RFTN2: variants seen among roughly 807,000 people sequenced by gnomAD.
RFTN2 encodes raftlin family member 2, also known as raftlin-2.
In RFTN2, 34 loss-of-function variants were observed where a neutral mutation model predicts 52.7. The ratio of observed to expected loss-of-function variants is 0.64; its 90% CI spans 0.49 to 0.86. The LOEUF (loss-of-function observed/expected upper bound fraction) is 0.86, where lower values mean the gene tolerates loss of function less well. RFTN2 is among the 40% of genes least tolerant of loss of function. RFTN2 has a pLI of 0.00. For missense variants in RFTN2, 536 were observed against 600.1 expected (o/e 0.89, Z 1.12); for synonymous variants, 203 against 217.7 (o/e 0.93, Z 0.59).
At chr2:197,663,448 A>G (rs1485261960) in intron 1 of RFTN2, among the ~76,000 whole-genome samples, 1 of 152,180 alleles carries the variant, frequency 6.6e-6, no homozygotes, top group East Asian at 1.9e-4. Flanking sequence ...TTCTGTGGTA[A>G]TGAATCTGTC....
intron 7 of RFTN2, among the ~76,000 whole-genome samples, chr2:197,605,317 G>A (rs2087942285): frequency 1.3e-5 from 2 of 151,608 alleles, no homozygotes; most frequent in South Asian, 4.2e-4. Flanking sequence ...CCGGGTTCAC[G>A]CCATTCTCTT....
intron 1 of RFTN2, among the ~76,000 whole-genome samples, chr2:197,663,822 T>A (rs1467611145): frequency 6.6e-6 from 1 of 152,104 alleles, no homozygotes; most frequent in Non-Finnish European, 1.5e-5. Context: ...CTCTTTATTA[T>A]TTTTTCCTTT....
At chr2:197,669,790 C>T (rs7600862) in intron 1 of RFTN2, among the ~76,000 whole-genome samples, 103,372 of 151,986 alleles carry the variant, frequency 0.68, 35,476 homozygotes, top group Middle Eastern at 0.85. Flanking sequence ...AGCCTGGGGG[C>T]TGGGGACCCC....
chr2:197,625,590 T>TAACAGCCTCCC (rs1195905626), intron 5 of RFTN2, among the ~76,000 whole-genome samples: 1 of 151,760 alleles, frequency 6.6e-6, no homozygotes, highest in Non-Finnish European at 1.5e-5. Flanking sequence ...AACAGCCTCT[T>TAACAGCCTCCC]AACAGCCTCC....
At position 197,570,814 on chromosome 2, in the gene RFTN2, T is replaced by C. The variant is rs1157040705; in HGVS notation, c.*1194A>G. The C allele has an allele frequency of 6.6e-6, 1 of 152,260 alleles. No individual in the cohort carries two copies. Among genetic ancestry groups the C allele is most frequent in the East Asian group, 1.9e-4 (1 of 5,206 alleles). 9.4% of individuals were successfully genotyped at this position (152,260 alleles called of 1,614,324 possible). A position where few individuals can be genotyped will look rare whatever the true frequency, so the allele number is the denominator to read the frequency against. On this transcript the variant is annotated 3_prime_UTR_variant, in exon 9 of 9. Coordinates refer to ENST00000295049, the MANE Select transcript of RFTN2 (RefSeq NM_144629.3). ...AAACAATAACACAATAAAAATGATG[T>C]TTTATTATTAAAATGATCTTACAAT... is the stretch of plus-strand genomic sequence containing the variant.
At chr2:197,572,469 C>T (rs1432295879) in intron 8 of RFTN2, among the ~76,000 whole-genome samples, 189 bp from the exon 9 acceptor site, 2 of 152,172 alleles carry the variant, frequency 1.3e-5, no homozygotes, top group Non-Finnish European at 2.9e-5. Context: ...TACAAATGAA[C>T]TCCCTTCTCC....
chr2:197,626,723 AT>A (rs2088371431), intron 5 of RFTN2, among the ~76,000 whole-genome samples: 1 of 137,750 alleles, frequency 7.3e-6, no homozygotes, highest in Non-Finnish European at 1.5e-5. Context: ...CTGGCAAGCG[AT>A]TTTCTTGCCT....
intron 7 of RFTN2, among the ~76,000 whole-genome samples, chr2:197,611,876 AG>A (rs1431368725): frequency 2.6e-5 from 4 of 152,218 alleles, no homozygotes; most frequent in African/African-American, 9.6e-5. Context: ...TTCACCCAAC[AG>A]TCAATAAGGA....
chr2:197,639,015 A>G (rs1313254808), intron 3 of RFTN2, among the ~76,000 whole-genome samples: 1 of 142,792 alleles, frequency 7.0e-6, no homozygotes, highest in East Asian at 2.0e-4. Flanking sequence ...GTTTGGCTGG[A>G]TATGAAATTC....
At chr2:197,646,938 C>A (rs2088762108) in intron 1 of RFTN2, among the ~76,000 whole-genome samples, 1 of 147,966 alleles carries the variant, frequency 6.8e-6, no homozygotes, top group Admixed American at 6.7e-5. Flanking sequence ...GGCTTAATCT[C>A]AGATAAAGTT....
chr2:197,622,053 A>G (rs2088275277), intron 5 of RFTN2, among the ~76,000 whole-genome samples: 1 of 152,232 alleles, frequency 6.6e-6, no homozygotes, highest in Non-Finnish European at 1.5e-5. Context: ...CTTAAGCCAA[A>G]GCCTAATCCA....
intron 7 of RFTN2, among the ~76,000 whole-genome samples, chr2:197,612,129 T>A (rs2088071222): frequency 6.6e-6 from 1 of 152,220 alleles, no homozygotes; most frequent in African/African-American, 2.4e-5. Context: ...TTAGGTTCAC[T>A]TGAGGATGAG....
chr2:197,616,583 T>C (rs900558384), intron 6 of RFTN2, among the ~76,000 whole-genome samples: 54 of 152,208 alleles, frequency 3.5e-4, no homozygotes, highest in African/African-American at 1.3e-3. Flanking sequence ...TGAGCCACTG[T>C]GTCAGGCAGA....
intron 1 of RFTN2, among the ~76,000 whole-genome samples, chr2:197,659,724 G>A (rs1047869086): frequency 6.6e-6 from 1 of 151,818 alleles, no homozygotes; most frequent in Non-Finnish European, 1.5e-5. Flanking sequence ...GGCTGAGGCA[G>A]GAGAATTGCT....
At chr2:197,657,071 C>T (rs2088904952) in intron 1 of RFTN2, among the ~76,000 whole-genome samples, 1 of 152,000 alleles carries the variant, frequency 6.6e-6, no homozygotes, top group Admixed American at 6.6e-5. Flanking sequence ...TGCTATTTGG[C>T]CAGGCTTGTA....
At chr2:197,618,965 G>GC (rs958959603) in intron 5 of RFTN2, among the ~76,000 whole-genome samples, 19 of 151,452 alleles carry the variant, frequency 1.3e-4, no homozygotes, top group African/African-American at 7.3e-5. Flanking sequence ...GGGGGGGTCA[G>GC]CCCCCCGCCC....
chr2:197,621,667 G>C lies in RFTN2; in HGVS notation c.929-3746C>G, dbSNP rs1210882793. ...GGTGAATTTAACTGATAAACGTTGT[G>C]GGGGTTCTGACTGCTCCACTGACTG... On this transcript the variant is annotated intron_variant, in intron 5 of 8. Transcript: ENST00000295049. 2.0e-5 allele frequency among the ~76,000 whole-genome samples: 3 copies of C among 151,996 alleles called. No individual in the cohort carries two copies. The East Asian group carries it at 5.8e-4, about 29-fold the overall frequency.
intron 3 of RFTN2, among the ~76,000 whole-genome samples, chr2:197,640,935 A>G (rs1447307951): frequency 2.0e-5 from 3 of 152,322 alleles, no homozygotes; most frequent in Middle Eastern, 6.8e-3. Flanking sequence ...AGGCTGACGT[A>G]GGGGACTGTG....
intron 8 of RFTN2, among the ~76,000 whole-genome samples, chr2:197,572,505 C>A (rs867448957): frequency 1.5e-4 from 23 of 152,302 alleles, no homozygotes; most frequent in African/African-American, 5.1e-4. Flanking sequence ...TTGTAGGTTC[C>A]TGGCACATCA....
Sources: allele counts gnomAD v4.1 joint callset (sites outside exome capture counted in the v4.1 genomes callset), GRCh38; gene constraint gnomAD v4.1.1; transcripts MANE v1.5; gene names NCBI Gene and HGNC (gene_info 2026-07-23, HGNC 2026-07-21).